The following MSRA variants were observed in gnomAD, a reference collection of about 807,000 sequenced individuals.
The protein encoded by MSRA is methionine sulfoxide reductase A, also known as mitochondrial peptide methionine sulfoxide reductase.
MSRA carries 54 observed loss-of-function variants against 31.3 expected under a neutral mutation model. The observed-to-expected ratio is 1.73, with a 90% CI of 1.39 to 2.17. MSRA has a LOEUF of 2.17. Among genes scored for constraint, MSRA ranks in the 30% most tolerant of loss-of-function variants. The pLI is 0.00. For missense variants in MSRA, 507 were observed against 300.9 expected, an observed-to-expected ratio of 1.69 and a Z score of -5.07; for synonymous variants, 169 against 116.5, an observed-to-expected ratio of 1.45 and a Z score of -2.90.
At chr8:10,324,423 C>T (rs1368500606) in intron 5 of MSRA, among the ~76,000 whole-genome samples, 4 of 152,124 alleles carry the variant, frequency 2.6e-5, no homozygotes, top group Non-Finnish European at 4.4e-5. Context: ...AAGAGCGGGA[C>T]GGCCATGGAA....
intron 5 of MSRA, among the ~76,000 whole-genome samples, chr8:10,427,741 G>C (rs1809272250): frequency 6.6e-6 from 1 of 152,144 alleles, no homozygotes; most frequent in Non-Finnish European, 1.5e-5. Flanking sequence ...GCCCTGCTGA[G>C]CCCTCTCAGG....
At chr8:10,157,666 G>T (rs1174954490) in intron 1 of MSRA, among the ~76,000 whole-genome samples, 1 of 151,990 alleles carries the variant, frequency 6.6e-6, no homozygotes, top group Non-Finnish European at 1.5e-5. Flanking sequence ...TATCAAATAT[G>T]AGAGTCAGAG....
intron 3 of MSRA, among the ~76,000 whole-genome samples, chr8:10,267,094 A>C (rs1452515859): frequency 6.6e-6 from 1 of 152,220 alleles, no homozygotes; most frequent in South Asian, 2.1e-4. Context: ...GCGAACCAAC[A>C]TAGTCTCAGA....
chr8:10,426,554 C>G (rs1003121679), intron 5 of MSRA, among the ~76,000 whole-genome samples: 5 of 152,190 alleles, frequency 3.3e-5, no homozygotes, highest in Admixed American at 6.5e-5. Flanking sequence ...TTTACGTAGC[C>G]TGCCAAATTT....
At chr8:10,368,385 T>C (rs933316383) in intron 5 of MSRA, among the ~76,000 whole-genome samples, 3 of 152,236 alleles carry the variant, frequency 2.0e-5, no homozygotes, top group African/African-American at 7.2e-5. Context: ...AGCACTATCA[T>C]TTGATTTGCT....
chr8:10,194,015 T>C (rs976672806), intron 1 of MSRA, among the ~76,000 whole-genome samples: 1 of 151,940 alleles, frequency 6.6e-6, no homozygotes. Context: ...TTTAAGATAC[T>C]CTTCTGTTAT....
chr8:10,409,015 G>T (rs1263025046), intron 5 of MSRA, among the ~76,000 whole-genome samples: 5 of 152,226 alleles, frequency 3.3e-5, no homozygotes, highest in Non-Finnish European at 7.3e-5. Flanking sequence ...AGTGTGTAGT[G>T]CTGTAATACA....
At chr8:10,079,107 T>C (rs1157117072) in intron 1 of MSRA, among the ~76,000 whole-genome samples, 1 of 152,096 alleles carries the variant, frequency 6.6e-6, no homozygotes, top group Non-Finnish European at 1.5e-5. Flanking sequence ...CGCAGGCTCA[T>C]AGGTGTCAAG....
intron 5 of MSRA, among the ~76,000 whole-genome samples, chr8:10,401,880 A>G: frequency 6.6e-6 from 1 of 152,182 alleles, no homozygotes; most frequent in East Asian, 1.9e-4. Flanking sequence ...AGAAAATGGA[A>G]TAGAGGTTCC....
Position 10,054,669 on chromosome 8 carries a change from G to A in MSRA, c.142+11G>A, listed in dbSNP as rs753626897. ...AGACCCCTGTAGCGGGTAAGCACTG[G>A]CCACACGGAAGGCGCGGGCGGCGAC... is the stretch of plus-strand genomic sequence containing the variant. On this transcript the variant is annotated intron_variant, in intron 1 of 5. Transcript: ENST00000317173. 10 of 1,509,914 alleles carry A rather than the reference G, an allele frequency of 6.6e-6. No homozygotes were observed. The highest frequency in any genetic ancestry group is 5.7e-5 in the African/African-American group (4 of 69,580). 93.5% of individuals were successfully genotyped at this position (1,509,914 alleles called of 1,614,324 possible).
intron 5 of MSRA, among the ~76,000 whole-genome samples, chr8:10,427,250 A>C (rs1275755539): frequency 6.6e-6 from 1 of 152,212 alleles, no homozygotes; most frequent in African/African-American, 2.4e-5. Context: ...ACATGCTTCA[A>C]GCAGCCTGCA....
At chr8:10,416,147 G>A (rs1342355054) in intron 5 of MSRA, among the ~76,000 whole-genome samples, 1 of 152,110 alleles carries the variant, frequency 6.6e-6, no homozygotes, top group Non-Finnish European at 1.5e-5. Flanking sequence ...ACACGTCGTG[G>A]GAATTGCCCG....
intron 1 of MSRA, among the ~76,000 whole-genome samples, chr8:10,075,254 T>G (rs1412821184): frequency 1.3e-5 from 2 of 152,240 alleles, no homozygotes; most frequent in African/African-American, 2.4e-5. Flanking sequence ...TTAAATGAAC[T>G]AAAGAATGAT....
chr8:10,203,565 GTCACACT>G (rs1808684458), intron 1 of MSRA, among the ~76,000 whole-genome samples: 1 of 152,100 alleles, frequency 6.6e-6, no homozygotes, highest in Non-Finnish European at 1.5e-5. Flanking sequence ...TGTATTTTTG[GTCACACT>G]GTTGTAAACA....
chr8:10,277,163 C>G (rs574626493), intron 3 of MSRA, among the ~76,000 whole-genome samples: 1 of 152,266 alleles, frequency 6.6e-6, no homozygotes, highest in Non-Finnish European at 1.5e-5. Flanking sequence ...AGCTCAATGA[C>G]ATTATTCTTA....
chr8:10,391,494 T>G (rs537089317), intron 5 of MSRA, among the ~76,000 whole-genome samples: 215 of 152,308 alleles, frequency 1.4e-3, no homozygotes, highest in African/African-American at 4.8e-3. Flanking sequence ...TAATTTCAGT[T>G]AAAACTATGA....
chr8:10,415,472 C>G (rs1808401219), intron 5 of MSRA, among the ~76,000 whole-genome samples: 1 of 152,060 alleles, frequency 6.6e-6, no homozygotes, highest in South Asian at 2.1e-4. Flanking sequence ...CTGAAGTGGC[C>G]CCTTGTACCA....
intron 3 of MSRA, among the ~76,000 whole-genome samples, chr8:10,269,269 T>A (rs1279642894): frequency 6.6e-6 from 1 of 152,254 alleles, no homozygotes; most frequent in African/African-American, 2.4e-5. Context: ...ATCATTTAAG[T>A]GGTTTCATTG....
At chr8:10,072,900 T>A (rs62488693) in intron 1 of MSRA, among the ~76,000 whole-genome samples, 7 of 152,248 alleles carry the variant, frequency 4.6e-5, no homozygotes, top group Non-Finnish European at 7.3e-5. Flanking sequence ...GGTTTCCACC[T>A]GTTCATTGAT....
Sources: allele counts gnomAD v4.1 joint callset (sites outside exome capture counted in the v4.1 genomes callset), GRCh38; gene constraint gnomAD v4.1.1; transcripts MANE v1.5; gene names NCBI Gene and HGNC (gene_info 2026-07-23, HGNC 2026-07-21).